The following RNF17 variants were observed in gnomAD, a reference collection of about 807,000 sequenced individuals.
RNF17 encodes the protein spermatogenesis associated 23.
Under a neutral mutation model 200.5 loss-of-function variants are expected in RNF17, and 31 were observed. The ratio of observed to expected loss-of-function variants is 0.15; its 90% CI spans 0.12 to 0.21. The LOEUF is 0.21. Ranked by LOEUF, RNF17 falls within the 10% of genes least tolerant of loss-of-function variation. The pLI is 1.00. For missense variants in RNF17, 1,628 were observed against 1,905.1 expected (o/e 0.85, Z 2.71); for synonymous variants, 606 against 637.8 (o/e 0.95, Z 0.75).
intron 15 of RNF17, among the ~76,000 whole-genome samples, chr13:24,806,851 A>G (rs934250832): frequency 7.3e-6 from 1 of 136,348 alleles, no homozygotes; most frequent in Non-Finnish European, 1.5e-5. Flanking sequence ...TCCTGTGTCC[A>G]TGTGTTCTCA....
intron 2 of RNF17, among the ~76,000 whole-genome samples, chr13:24,773,467 C>G: frequency 6.6e-6 from 1 of 152,170 alleles, no homozygotes; most frequent in South Asian, 2.1e-4. Context: ...AAACCAAGTA[C>G]CACATTTTCA....
At chr13:24,756,208 T>C in the RNF17 span, among the ~76,000 whole-genome samples, 1 of 152,136 alleles carries the variant, frequency 6.6e-6, no homozygotes, top group Non-Finnish European at 1.5e-5. Flanking sequence ...CATAAAAATA[T>C]GGAAGATTTT....
chr13:24,774,007 C>T (rs9507408), intron 2 of RNF17, among the ~76,000 whole-genome samples: 33,054 of 151,964 alleles, frequency 0.22, 4,044 homozygotes, highest in East Asian at 0.28. Context: ...AAACTGTTCT[C>T]AGAAAAAAGT....
intron 2 of RNF17, among the ~76,000 whole-genome samples, chr13:24,771,681 G>A (rs1880721093): frequency 6.8e-6 from 1 of 147,394 alleles, no homozygotes; most frequent in South Asian, 2.1e-4. Flanking sequence ...CTAACTCAAA[G>A]TTATATATAT....
At chr13:24,845,300 A>G (rs1223101201) in intron 22 of RNF17, among the ~76,000 whole-genome samples, 2 of 152,228 alleles carry the variant, frequency 1.3e-5, no homozygotes, top group Non-Finnish European at 2.9e-5. Context: ...ACCGTTGAAT[A>G]TTAAAAATTT....
In RNF17 at chr13:24,838,528, A is replaced by G. The variant is rs1290346158; in HGVS notation, c.2483-3513A>G. Reference sequence around the variant, plus strand: ...AGGGATGCAGGGATGGATGTAATATATGCAAGTCAATAAATGTGATACACC... The same window carrying G: ...AGGGATGCAGGGATGGATGTAATATGTGCAAGTCAATAAATGTGATACACC... On this transcript the variant is annotated intron_variant, in intron 18 of 35. Transcript: ENST00000255324. 2.6e-5 allele frequency among the ~76,000 whole-genome samples: 4 copies of G among 152,184 alleles called. No homozygotes were observed. The East Asian group carries it at 5.8e-4, about 22-fold the overall frequency.
chr13:24,760,097 C>T (rs181609933), upstream of RNF17, among the ~76,000 whole-genome samples: 27 of 152,224 alleles, frequency 1.8e-4, no homozygotes, highest in Non-Finnish European at 3.1e-4. Flanking sequence ...GCTGAGATCA[C>T]GCCACTGCAC....
At chr13:24,863,277 A>G (rs188294659) in intron 28 of RNF17, among the ~76,000 whole-genome samples, 11 of 152,354 alleles carry the variant, frequency 7.2e-5, no homozygotes, top group Non-Finnish European at 1.2e-4. Context: ...AGTAAATGTA[A>G]TAGGAATTTA....
chr13:24,799,640 G>A (rs1019009243), intron 12 of RNF17, 56 bp downstream of exon 12: 37 of 1,104,836 alleles, frequency 3.3e-5, no homozygotes, highest in Non-Finnish European at 4.4e-5. Flanking sequence ...TTGGAGGGAG[G>A]TGGAGTTAAA....
chr13:24,799,331 G>A, intron 11 of RNF17, 64 bp from the exon 12 acceptor site: 4 of 1,286,506 alleles, frequency 3.1e-6, no homozygotes, highest in East Asian at 4.6e-5. Flanking sequence ...TAACGTGTCT[G>A]TAAACTTATG....
intron 18 of RNF17, among the ~76,000 whole-genome samples, chr13:24,836,976 G>C (rs1299286852): frequency 6.6e-6 from 1 of 152,090 alleles, no homozygotes; most frequent in Non-Finnish European, 1.5e-5. Flanking sequence ...CTGCCTTCAG[G>C]AGACTCACAT....
At chr13:24,806,574 T>C (rs944825172) in intron 15 of RNF17, among the ~76,000 whole-genome samples, 2 of 152,212 alleles carry the variant, frequency 1.3e-5, no homozygotes, top group Admixed American at 6.5e-5. Flanking sequence ...ATTTCTCTAA[T>C]GACCAGTGAT....
intron 33 of RNF17, 92 bp downstream of exon 33, chr13:24,874,341 G>T: frequency 2.8e-6 from 3 of 1,085,736 alleles, no homozygotes; most frequent in South Asian, 1.8e-5. Flanking sequence ...TAAAAGAAAA[G>T]GGTTATTCTA....
chr13:24,767,202 C>A, intron 1 of RNF17, 70 bp from the exon 2 acceptor site: 1 of 1,102,638 alleles, frequency 9.1e-7, no homozygotes, highest in Non-Finnish European at 1.4e-6. Flanking sequence ...CCAGCTTGGG[C>A]AACAGAGCAA....
chr13:24,844,904 C>G, intron 21 of RNF17, 57 bp from the exon 22 acceptor site: 1 of 1,553,226 alleles, frequency 6.4e-7, no homozygotes, highest in Non-Finnish European at 8.8e-7. Context: ...TTCAGTTTGC[C>G]AAAAAAATAT....
intron 15 of RNF17, among the ~76,000 whole-genome samples, chr13:24,819,119 A>G (rs1243448695): frequency 2.0e-5 from 3 of 152,186 alleles, no homozygotes; most frequent in Admixed American, 6.5e-5. Context: ...TCGTATTACC[A>G]TGCAATAGAT....
In RNF17 at chr13:24,838,855, C is replaced by T. The variant is rs561657568; in HGVS notation, c.2483-3186C>T. Among the ~76,000 whole-genome samples, 119 of 152,076 alleles carry T rather than the reference C, an allele frequency of 7.8e-4. 1 individual carries two copies. The highest frequency in any genetic ancestry group is 2.7e-3 in the African/African-American group (110 of 41,498). On this transcript the variant is annotated intron_variant, in intron 18 of 35. Coordinates refer to ENST00000255324, the MANE Select transcript of RNF17 (RefSeq NM_031277.3). ...AGCAAGAGAAGGAAAGAAAGGGCAT[C>T]CAAATCAGTAAAGAAAAAGTTAAAC... is the stretch of plus-strand genomic sequence containing the variant.
chr13:24,827,930 C>T (rs9551153), intron 16 of RNF17, among the ~76,000 whole-genome samples: 26,466 of 151,416 alleles, frequency 0.17, 2,467 homozygotes, highest in South Asian at 0.32. Context: ...TATAAGGGCA[C>T]CTAATCACAT....
chr13:24,816,936 C>T (rs1218652716), intron 15 of RNF17, among the ~76,000 whole-genome samples: 1 of 152,150 alleles, frequency 6.6e-6, no homozygotes, highest in Non-Finnish European at 1.5e-5. Flanking sequence ...CTTGTCGGGG[C>T]AGAGCTAGAG....
Sources: allele counts gnomAD v4.1 joint callset (sites outside exome capture counted in the v4.1 genomes callset), GRCh38; gene constraint gnomAD v4.1.1; transcripts MANE v1.5; gene names NCBI Gene and HGNC (gene_info 2026-07-23, HGNC 2026-07-21).